CRADD: variants seen among roughly 807,000 people sequenced by gnomAD.
CRADD encodes CARD and death domain containing adaptor protein, also known as death domain-containing protein CRADD.
Under a neutral mutation model 15.5 loss-of-function variants are expected in CRADD, and 9 were observed. That is an observed-to-expected ratio of 0.58 (90% CI 0.35 to 1.01). The LOEUF (loss-of-function observed/expected upper bound fraction) is 1.01, where lower values mean the gene tolerates loss of function less well. CRADD is among the 50% of genes least tolerant of loss of function. The pLI is 0.02. For missense variants in CRADD, 227 were observed against 250.3 expected, an observed-to-expected ratio of 0.91 and a Z score of 0.63; for synonymous variants, 118 against 107.6, an observed-to-expected ratio of 1.10 and a Z score of -0.60.
intron 2 of CRADD, among the ~76,000 whole-genome samples, chr12:93,726,916 A>G (rs989124123): frequency 6.6e-6 from 1 of 152,246 alleles, no homozygotes; most frequent in Admixed American, 6.5e-5. Flanking sequence ...CAGTTTCACG[A>G]TAACAAGACG....
intron 2 of CRADD, among the ~76,000 whole-genome samples, chr12:93,860,596 A>T (rs1958312785): frequency 6.6e-6 from 1 of 152,200 alleles, no homozygotes; most frequent in African/African-American, 2.4e-5. Context: ...CAAGAAGGTG[A>T]CAGGAGTAAA....
chr12:93,756,462 C>G (rs151205283), intron 2 of CRADD, among the ~76,000 whole-genome samples: 2 of 152,322 alleles, frequency 1.3e-5, no homozygotes, highest in African/African-American at 4.8e-5. Flanking sequence ...GACCAGACCA[C>G]TTGTAAGCCA....
intron 2 of CRADD, among the ~76,000 whole-genome samples, chr12:93,795,595 G>T (rs983794152): frequency 5.9e-5 from 9 of 152,170 alleles, no homozygotes; most frequent in Non-Finnish European, 1.0e-4. Flanking sequence ...ACAGAGATCT[G>T]TTGGCTCCAT....
chr12:93,882,253 C>G (rs1224651452), intron 2 of CRADD, among the ~76,000 whole-genome samples: 6 of 151,414 alleles, frequency 4.0e-5, no homozygotes, highest in African/African-American at 1.5e-4. Flanking sequence ...AACCCTGTCT[C>G]TACTAAAAAT....
chr12:93,785,866 A>C (rs1017400611), intron 2 of CRADD, among the ~76,000 whole-genome samples: 2 of 152,212 alleles, frequency 1.3e-5, no homozygotes, highest in Non-Finnish European at 2.9e-5. Flanking sequence ...TTGGCCTTAA[A>C]TTCACCATAA....
chr12:93,799,186 A>AT (rs915038374), intron 2 of CRADD, among the ~76,000 whole-genome samples: 1 of 152,178 alleles, frequency 6.6e-6, no homozygotes, highest in Admixed American at 6.5e-5. Context: ...AGAACTAGGT[A>AT]TTTTTATGTA....
intron 2 of CRADD, among the ~76,000 whole-genome samples, chr12:93,683,216 T>TGGGG (rs1565869228): frequency 4.6e-5 from 7 of 152,160 alleles, no homozygotes; most frequent in Non-Finnish European, 1.0e-4. Context: ...GGACTCAGCG[T>TGGGG]AAATCACGGT....
At chr12:93,826,258 A>G (rs1593022495) in intron 2 of CRADD, among the ~76,000 whole-genome samples, 1 of 152,240 alleles carries the variant, frequency 6.6e-6, no homozygotes, top group East Asian at 1.9e-4. Context: ...AATAAAATAG[A>G]CCGCTGTGAA....
intron 2 of CRADD, among the ~76,000 whole-genome samples, chr12:93,885,386 G>T (rs1565948675): frequency 6.6e-6 from 1 of 152,184 alleles, no homozygotes; most frequent in Non-Finnish European, 1.5e-5. Flanking sequence ...TCTGTTCTTT[G>T]CAGAGATAAA....
intron 2 of CRADD, chr12:93,859,266 A>G: frequency 2.2e-6 from 1 of 451,840 alleles, no homozygotes; most frequent in South Asian, 1.6e-5. Context: ...TTAAAAAGCT[A>G]TAATCAAATA....
chr12:93,747,920 C>T (rs1286549086), intron 2 of CRADD, among the ~76,000 whole-genome samples: 1 of 152,180 alleles, frequency 6.6e-6, no homozygotes, highest in African/African-American at 2.4e-5. Flanking sequence ...AGTTAGACCA[C>T]AGTCTCAGTC....
At chr12:93,845,384 C>T (rs751336989) in intron 2 of CRADD, among the ~76,000 whole-genome samples, 3 of 152,250 alleles carry the variant, frequency 2.0e-5, no homozygotes, top group Non-Finnish European at 4.4e-5. Flanking sequence ...CAGTGAGTGT[C>T]ATGACTGTTC....
chr12:93,795,858 A>G (rs557362462), intron 2 of CRADD, among the ~76,000 whole-genome samples: 1 of 152,334 alleles, frequency 6.6e-6, no homozygotes, highest in South Asian at 2.1e-4. Flanking sequence ...AGCTAGAACA[A>G]GGGCAAGGAT....
chr12:93,868,086 G>A (rs1177388012), intron 2 of CRADD, among the ~76,000 whole-genome samples: 1 of 152,138 alleles, frequency 6.6e-6, no homozygotes, highest in Non-Finnish European at 1.5e-5. Flanking sequence ...GACTTATTAA[G>A]TAGTAATTGG....
chr12:93,697,767 AATTT>A (rs1225940333), intron 2 of CRADD, among the ~76,000 whole-genome samples: 2 of 152,166 alleles, frequency 1.3e-5, no homozygotes, highest in African/African-American at 4.8e-5. Flanking sequence ...CAAGCATAGA[AATTT>A]ATTTAATATA....
intron 2 of CRADD, among the ~76,000 whole-genome samples, chr12:93,704,518 A>G (rs1955903686): frequency 6.6e-6 from 1 of 152,170 alleles, no homozygotes; most frequent in South Asian, 2.1e-4. Context: ...CAAGTCTTCT[A>G]CAACATTCCC....
rs191104635 is a variant in CRADD, at chr12:93,742,154, C to T, written c.298+63082C>T. On this transcript the variant is annotated intron_variant, in intron 2 of 2. Transcript: ENST00000332896. Reference sequence around the variant, plus strand: ...CCAAAATGAAGTTCCCGAGCAGCATCTGGCAGAGCAGGGTAATTCAATCTA... The same window carrying T: ...CCAAAATGAAGTTCCCGAGCAGCATTTGGCAGAGCAGGGTAATTCAATCTA... Among the ~76,000 whole-genome samples, 316 of 152,340 alleles carry T rather than the reference C, an allele frequency of 2.1e-3. 1 individual carries two copies. Among genetic ancestry groups the T allele is most frequent in the African/African-American group, 7.0e-3 (293 of 41,582 alleles).
chr12:93,823,870 A>C (rs3858604), intron 2 of CRADD, among the ~76,000 whole-genome samples: 101,475 of 151,952 alleles, frequency 0.67, 34,071 homozygotes, highest in Middle Eastern at 0.71. Flanking sequence ...AAGGAACTCG[A>C]ATCATTAAAA....
intron 2 of CRADD, among the ~76,000 whole-genome samples, chr12:93,713,322 A>C (rs1956106753): frequency 6.6e-6 from 1 of 152,094 alleles, no homozygotes; most frequent in African/African-American, 2.4e-5. Flanking sequence ...GCTGTTCAAT[A>C]TGGTTGCACG....
Sources: gnomAD v4.1 joint callset for allele counts (sites outside exome capture counted in the v4.1 genomes callset) on GRCh38, gnomAD v4.1.1 for gene constraint, MANE v1.5 for transcripts, NCBI Gene and HGNC (gene_info 2026-07-23, HGNC 2026-07-21) for gene names.